Variants in TTC7B observed in about 807,000 individuals in gnomAD.
TTC7B encodes tetratricopeptide repeat domain 7B, also known as tetratricopeptide repeat protein 7B.
In TTC7B, 28 loss-of-function variants were observed where a neutral mutation model predicts 106.8. The observed-to-expected ratio is 0.26, with a 90% confidence interval of 0.19 to 0.36. The LOEUF is 0.36. Among genes scored for constraint, TTC7B ranks in the 10% least tolerant of loss-of-function variants. TTC7B has a pLI of 1.00. For synonymous variants in TTC7B, 405 were observed against 430.6 expected (o/e 0.94, Z 0.74); for missense variants, 862 against 1,076.4 (o/e 0.80, Z 2.79).
chr14:90,730,174 T>G lies in TTC7B; in HGVS notation c.599A>C (p.Asn200Thr). 2 of 1,605,698 alleles carry G rather than the reference T, an allele frequency of 1.2e-6. No homozygotes were observed. The highest frequency in any genetic ancestry group is 1.7e-6 in the Non-Finnish European group (2 of 1,177,854). The part of the protein sequence containing the change: ...IERVILSNIQ[N>T]RSPKPGPAPH... ...AGCAGGGCCAGGCTTAGGGCTTCTGTTTTGAATATTAGAAAGTATTACCTA... is the reference window on the plus strand; with the variant it reads ...AGCAGGGCCAGGCTTAGGGCTTCTGGTTTGAATATTAGAAAGTATTACCTA... Residue 200 changes from asparagine (N) to threonine (T), a missense_variant, in exon 5 of 20, where the codon AAC (asparagine) becomes ACC (threonine). Transcript: ENST00000328459.
At chr14:90,792,365 T>C (rs958219041) in intron 1 of TTC7B, among the ~76,000 whole-genome samples, 1 of 151,886 alleles carries the variant, frequency 6.6e-6, no homozygotes, top group East Asian at 1.9e-4. Flanking sequence ...TCGCTTGAGG[T>C]CAGGAGTTCA....
chr14:90,652,716 A>G, intron 13 of TTC7B, 125 bp downstream of exon 13: 1 of 1,048,892 alleles, frequency 9.5e-7, no homozygotes. Context: ...TTCGGTGCTC[A>G]GGACGAAAGA....
intron 15 of TTC7B, among the ~76,000 whole-genome samples, chr14:90,629,520 G>C (rs1018665398): frequency 2.6e-5 from 4 of 152,214 alleles, no homozygotes; most frequent in Non-Finnish European, 1.5e-5. Context: ...ACTCTGCACG[G>C]ACAAAGTTTC....
At chr14:90,768,636 A>C (rs1210651496) in intron 3 of TTC7B, among the ~76,000 whole-genome samples, 1 of 152,236 alleles carries the variant, frequency 6.6e-6, no homozygotes, top group Non-Finnish European at 1.5e-5. Context: ...TAAATTAAGA[A>C]ATTCCCAAGT....
chr14:90,732,296 C>G (rs1214802030), intron 4 of TTC7B, among the ~76,000 whole-genome samples: 1 of 152,200 alleles, frequency 6.6e-6, no homozygotes, highest in African/African-American at 2.4e-5. Context: ...ACCATTACAT[C>G]ATCCGAGCTG....
intron 1 of TTC7B, among the ~76,000 whole-genome samples, chr14:90,786,992 T>A (rs1891414846): frequency 6.6e-6 from 1 of 152,162 alleles, no homozygotes; most frequent in Non-Finnish European, 1.5e-5. Flanking sequence ...AACCCCAGTG[T>A]TACGTATTTT....
intron 8 of TTC7B, among the ~76,000 whole-genome samples, chr14:90,677,997 AG>A (rs35336897): frequency 0.15 from 22,558 of 152,188 alleles, 1,831 homozygotes; most frequent in Admixed American, 0.23. Context: ...TGAAGGAAAC[AG>A]GGGCCTGTTG....
At chr14:90,745,310 A>AGAAGAAG (rs551227421) in intron 3 of TTC7B, among the ~76,000 whole-genome samples, 6 of 138,060 alleles carry the variant, frequency 4.3e-5, no homozygotes, top group African/African-American at 2.0e-4. Context: ...AAAAAAAAAA[A>AGAAGAAG]AAAAAGAAGA....
chr14:90,793,027 C>T (rs1732362776), intron 1 of TTC7B, among the ~76,000 whole-genome samples: 1 of 152,100 alleles, frequency 6.6e-6, no homozygotes, highest in Non-Finnish European at 1.5e-5. Flanking sequence ...GTGATTGGAT[C>T]ATGAGGCAGT....
rs1889203964 is a variant in TTC7B, at chr14:90,528,598, AC to A, written c.*12769del. On this transcript the variant is annotated 3_prime_UTR_variant, in exon 20 of 20. Coordinates refer to ENST00000328459, the MANE Select transcript of TTC7B (RefSeq NM_001010854.2). The stretch of plus-strand genomic sequence containing the variant: ...TGGCGTGACCCAACTGTGCCTCGTT[AC>A]CCGTTTCCGATGGTGTGACCTGACT... The A allele has an allele frequency of 6.6e-6, 1 of 152,070 alleles. No individual in the cohort carries two copies. The highest frequency in any genetic ancestry group is 1.5e-5 in the Non-Finnish European group (1 of 68,480). 9.4% of individuals were successfully genotyped at this position (152,070 alleles called of 1,614,324 possible).
At chr14:90,636,892 G>A (rs190657889) in intron 15 of TTC7B, among the ~76,000 whole-genome samples, 1 of 151,338 alleles carries the variant, frequency 6.6e-6, no homozygotes, top group Admixed American at 6.6e-5. Context: ...GCAGCATTTA[G>A]AGGAAAATTT....
intron 9 of TTC7B, among the ~76,000 whole-genome samples, chr14:90,674,327 G>A (rs1566830173): frequency 2.0e-5 from 3 of 152,230 alleles, no homozygotes; most frequent in Admixed American, 6.5e-5. Context: ...TCCAACCATG[G>A]GCCAGGCAGC....
At chr14:90,789,710 C>T (rs1316594976) in intron 1 of TTC7B, among the ~76,000 whole-genome samples, 1 of 151,934 alleles carries the variant, frequency 6.6e-6, no homozygotes, top group African/African-American at 2.4e-5. Flanking sequence ...TCCTGGCTAA[C>T]ACGGTGAAAC....
At chr14:90,763,292 C>A (rs575312898) in intron 3 of TTC7B, among the ~76,000 whole-genome samples, 11 of 152,152 alleles carry the variant, frequency 7.2e-5, no homozygotes, top group Admixed American at 2.6e-4. Context: ...ATTACACGAA[C>A]AATGCAATAA....
intron 19 of TTC7B, among the ~76,000 whole-genome samples, chr14:90,553,921 G>A (rs1255712425): frequency 6.6e-6 from 1 of 152,226 alleles, no homozygotes; most frequent in African/African-American, 2.4e-5. Flanking sequence ...TTTCTTCCAG[G>A]ATGATCTGGA....
In TTC7B at chr14:90,536,021, A is replaced by C. The variant is rs1264113785; in HGVS notation, c.*5347T>G. The C allele has an allele frequency of 6.5e-6, 1 of 154,006 alleles. No individual in the cohort carries two copies. The highest frequency in any genetic ancestry group is 1.5e-5 in the Non-Finnish European group (1 of 68,372). The allele number at this position is 154,006 out of a possible 1,614,324, so 9.5% of individuals were successfully genotyped here. On this transcript the variant is annotated 3_prime_UTR_variant, in exon 20 of 20. Transcript: ENST00000328459. Reference sequence around the variant, plus strand: ...GGCCTATCTCCAAATATAGTCACACAGGGGCGGGGGCTCCACCCTATGAAT... The same window carrying C: ...GGCCTATCTCCAAATATAGTCACACCGGGGCGGGGGCTCCACCCTATGAAT...
chr14:90,710,516 T>TA (rs1180188478), intron 5 of TTC7B, among the ~76,000 whole-genome samples: 1 of 152,216 alleles, frequency 6.6e-6, no homozygotes, highest in East Asian at 1.9e-4. Flanking sequence ...CTACTGTGGG[T>TA]AAAATGCTAT....
At chr14:90,754,930 G>A (rs1458815442) in intron 3 of TTC7B, among the ~76,000 whole-genome samples, 1 of 151,442 alleles carries the variant, frequency 6.6e-6, no homozygotes, top group Non-Finnish European at 1.5e-5. Flanking sequence ...TTTTTCAATT[G>A]AGGTGAAATT....
intron 19 of TTC7B, among the ~76,000 whole-genome samples, chr14:90,554,963 G>A (rs906321730): frequency 1.3e-5 from 2 of 152,140 alleles, no homozygotes; most frequent in Admixed American, 6.5e-5. Flanking sequence ...CCTAGCTCTC[G>A]GCAGCCCTGC....
Sources: gnomAD v4.1 joint callset for allele counts (sites outside exome capture counted in the v4.1 genomes callset) on GRCh38, gnomAD v4.1.1 for gene constraint, MANE v1.5 for transcripts, NCBI Gene and HGNC (gene_info 2026-07-23, HGNC 2026-07-21) for gene names.